Variants in NAA11 observed in about 807,000 individuals in gnomAD.
NAA11 encodes N-alpha-acetyltransferase 11, NatA catalytic subunit, also known as N-alpha-acetyltransferase 11.
A neutral mutation model predicts 16.1 loss-of-function variants in NAA11; 15 were observed. That is an observed-to-expected ratio of 0.93 (90% CI 0.62 to 1.44). NAA11 has a LOEUF of 1.44. NAA11 is among the 40% of genes most tolerant of loss of function. The pLI is 0.00. For missense variants in NAA11, 298 were observed against 291.3 expected (o/e 1.02, Z -0.17); for synonymous variants, 122 against 112.4 (o/e 1.09, Z -0.54).
At chr4:79,218,935 G>A in the NAA11 span, among the ~76,000 whole-genome samples, 3 of 151,828 alleles carry the variant, frequency 2.0e-5, no homozygotes, top group African/African-American at 7.3e-5. Context: ...ATTCAGAGAT[G>A]TTCACTTTTA....
At chr4:79,257,032 T>A (rs1341823269) in intron 2 of NAA11, among the ~76,000 whole-genome samples, 1 of 152,160 alleles carries the variant, frequency 6.6e-6, no homozygotes, top group Non-Finnish European at 1.5e-5. Context: ...ACCCAACACC[T>A]CACAAAATAC....
chr4:79,243,056 G>A (rs1007699660), intron 2 of NAA11, among the ~76,000 whole-genome samples: 6 of 152,206 alleles, frequency 3.9e-5, no homozygotes, highest in African/African-American at 1.4e-4. Context: ...GGTTACCCAA[G>A]TGATTTTCCG....
chr4:79,169,867 G>A, the NAA11 span, among the ~76,000 whole-genome samples: 2 of 152,166 alleles, frequency 1.3e-5, no homozygotes, highest in Non-Finnish European at 2.9e-5. Context: ...GACACGAATT[G>A]TATGTGACAT....
intron 2 of NAA11, among the ~76,000 whole-genome samples, chr4:79,226,957 C>G (rs1475106545): frequency 6.6e-6 from 1 of 152,052 alleles, no homozygotes. Context: ...AATGGGATGG[C>G]TGGGTCAAAT....
the NAA11 span, among the ~76,000 whole-genome samples, chr4:79,162,676 T>G: frequency 9.2e-5 from 14 of 152,214 alleles, no homozygotes; most frequent in Non-Finnish European, 1.3e-4. Context: ...ATGTTGTTTC[T>G]TAACTGAGTC....
At chr4:79,214,151 C>G in the NAA11 span, among the ~76,000 whole-genome samples, 7 of 152,098 alleles carry the variant, frequency 4.6e-5, no homozygotes, top group African/African-American at 1.7e-4. Context: ...TGATGACTTG[C>G]AAAAGAACTG....
chr4:79,235,325 T>C (rs1404534092), intron 2 of NAA11, among the ~76,000 whole-genome samples: 1 of 151,870 alleles, frequency 6.6e-6, no homozygotes, highest in Non-Finnish European at 1.5e-5. Context: ...GCCAGTGAGG[T>C]GGTGAGCTAA....
At chr4:79,277,394 A>C (rs1030189246) in intron 2 of NAA11, among the ~76,000 whole-genome samples, 5 of 152,088 alleles carry the variant, frequency 3.3e-5, no homozygotes, top group Non-Finnish European at 7.4e-5. Context: ...TATCCAGAGA[A>C]GCTTCTTCTT....
chr4:79,181,750 A>G, the NAA11 span, among the ~76,000 whole-genome samples: 2 of 152,184 alleles, frequency 1.3e-5, no homozygotes, highest in African/African-American at 4.8e-5. Context: ...AAAACACCGA[A>G]CTTATGATGA....
the NAA11 span, among the ~76,000 whole-genome samples, chr4:79,158,663 G>A: frequency 3.9e-4 from 54 of 139,790 alleles, no homozygotes; most frequent in Non-Finnish European, 8.2e-4. Flanking sequence ...GCAAGACTAA[G>A]CAAAAAGAGC....
the NAA11 span, among the ~76,000 whole-genome samples, chr4:79,220,554 A>G: frequency 6.6e-6 from 1 of 152,092 alleles, no homozygotes; most frequent in Non-Finnish European, 1.5e-5. Context: ...ATATGTGATT[A>G]TATATAATCT....
chr4:79,196,423 A>G, the NAA11 span, among the ~76,000 whole-genome samples: 1 of 152,080 alleles, frequency 6.6e-6, no homozygotes, highest in Non-Finnish European at 1.5e-5. Context: ...AGGTATAATT[A>G]GATGTACTAT....
chr4:79,240,991 T>C (rs758745702), intron 2 of NAA11, among the ~76,000 whole-genome samples: 4 of 152,220 alleles, frequency 2.6e-5, no homozygotes, highest in Non-Finnish European at 4.4e-5. Flanking sequence ...AGATTCTGGC[T>C]AAGGGCAAAG....
chr4:79,213,350 A>AT, the NAA11 span, among the ~76,000 whole-genome samples: 162 of 150,120 alleles, frequency 1.1e-3, 2 homozygotes, highest in Middle Eastern at 6.8e-3. Context: ...TATGTAGTTG[A>AT]TTTTTTTTTT....
chr4:79,217,869 TAAAA>T, the NAA11 span, among the ~76,000 whole-genome samples: 4 of 151,954 alleles, frequency 2.6e-5, no homozygotes, highest in African/African-American at 9.7e-5. Context: ...CCCTAAATCT[TAAAA>T]GAGAGAAGAG....
chr4:79,305,508 G>A (rs1723550548), intron 1 of NAA11, among the ~76,000 whole-genome samples: 1 of 152,196 alleles, frequency 6.6e-6, no homozygotes, highest in South Asian at 2.1e-4. Flanking sequence ...TCAATGAACA[G>A]GGCCTTCTTC....
chr4:79,262,338 C>T (rs1722260161), intron 2 of NAA11, among the ~76,000 whole-genome samples: 1 of 152,096 alleles, frequency 6.6e-6, no homozygotes, highest in African/African-American at 2.4e-5. Context: ...TTAGAAGAAA[C>T]AGGCTAAACA....
downstream of NAA11, among the ~76,000 whole-genome samples, chr4:79,222,344 T>C (rs1452372770): frequency 6.6e-6 from 1 of 152,052 alleles, no homozygotes; most frequent in Non-Finnish European, 1.5e-5. Context: ...ACGCCACATA[T>C]CTACAACTAT....
At chr4:79,257,791 T>C (rs943582799) in intron 2 of NAA11, among the ~76,000 whole-genome samples, 7 of 152,242 alleles carry the variant, frequency 4.6e-5, no homozygotes, top group African/African-American at 1.7e-4. Context: ...GCTGCCATTT[T>C]AATCTATATT....
Sources: gnomAD v4.1 joint callset for allele counts (sites outside exome capture counted in the v4.1 genomes callset) on GRCh38, gnomAD v4.1.1 for gene constraint, MANE v1.5 for transcripts, NCBI Gene and HGNC (gene_info 2026-07-23, HGNC 2026-07-21) for gene names.